COL11A1: variants seen among roughly 807,000 people sequenced by gnomAD.
COL11A1 encodes collagen alpha-1(XI) chain.
COL11A1 carries 74 observed loss-of-function variants against 265.2 expected under a neutral mutation model. That is an observed-to-expected ratio of 0.28 (90% confidence interval 0.23 to 0.34). COL11A1 has a LOEUF of 0.34. Ranked by LOEUF, COL11A1 falls within the 10% of genes least tolerant of loss-of-function variation. COL11A1 has a pLI of 1.00. For synonymous variants in COL11A1, 816 were observed against 727.6 expected, an observed-to-expected ratio of 1.12 and a Z score of -1.96; for missense variants, 2,165 against 2,263.6, an observed-to-expected ratio of 0.96 and a Z score of 0.88.
Position 103,108,197 on chromosome 1 carries a change from C to A in COL11A1, c.-19G>T. ...GCTCCATCTCCGAGCCCCGCACTCA[C>A]AACTGTGAACTCAACCCACGAAATT... On this transcript the variant is annotated 5_prime_UTR_variant, in exon 1 of 67. Coordinates refer to ENST00000370096, the MANE Select transcript of COL11A1 (RefSeq NM_001854.4). The A allele has an allele frequency of 6.2e-7, 1 of 1,605,278 alleles. No individual in the cohort carries two copies. Among genetic ancestry groups the A allele is most frequent in the East Asian group, 2.2e-5 (1 of 44,782 alleles).
In COL11A1 at chr1:103,078,781, T is replaced by G. The variant is rs1315092621; in HGVS notation, c.365A>C (p.His122Pro). Reference sequence around the variant, plus strand: ...CTCAACACCAATTTGCTGAATACCATGCTCATTATATATAGATAAAAGGAA... The same window carrying G: ...CTCAACACCAATTTGCTGAATACCAGGCTCATTATATATAGATAAAAGGAA... ...QSFLLSIYNE[H>P]GIQQIGVEVG... The change falls in exon 3 of 67, where the codon CAT (histidine) becomes CCT (proline). Residue 122 changes from histidine (H) to proline (P), a missense_variant. Coordinates refer to ENST00000370096, the MANE Select transcript of COL11A1 (RefSeq NM_001854.4). 1.9e-5 allele frequency: 30 copies of G among 1,612,356 alleles called. No individual in the cohort carries two copies. The highest frequency in any genetic ancestry group is 2.4e-5 in the Non-Finnish European group (28 of 1,178,788).
rs149842131 is a variant in COL11A1 at position 102,976,289 on chromosome 1, C to CTTTTTTTTT, written c.2755-1415_2755-1407dup. On this transcript the variant is annotated intron_variant, in intron 35 of 66. Transcript: ENST00000370096. Reference sequence around the variant, plus strand: ...TATAAAATTTCACAGAAAACGTTGGCTTTTTTTTTTTTTTTTTTTTTTTTT... The same window carrying CTTTTTTTTT: ...TATAAAATTTCACAGAAAACGTTGGCTTTTTTTTTTTTTTTTTTTTTTTTTTTTTTTTTT... Among the ~76,000 whole-genome samples the CTTTTTTTTT allele has an allele frequency of 2.5e-3, 148 of 58,602 alleles. 42 individuals carry two copies. Among genetic ancestry groups the CTTTTTTTTT allele is most frequent in the East Asian group, 0.016 (25 of 1,552 alleles). The allele number at this position is 58,602 out of a possible 152,430, so 38.4% of individuals were successfully genotyped here. A position where few individuals can be genotyped will look rare whatever the true frequency, so the allele number is the denominator to read the frequency against.
intron 4 of COL11A1, among the ~76,000 whole-genome samples, chr1:103,047,323 A>T (rs1669370873): frequency 6.6e-6 from 1 of 152,140 alleles, no homozygotes; most frequent in Non-Finnish European, 1.5e-5. Flanking sequence ...GGTCCTTCAC[A>T]TCCCTTGTAA....
At chr1:103,095,594 G>T (rs1673689091) in intron 1 of COL11A1, among the ~76,000 whole-genome samples, 1 of 151,960 alleles carries the variant, frequency 6.6e-6, no homozygotes, top group Non-Finnish European at 1.5e-5. Context: ...TGAAAGAAAT[G>T]CAAGGAGACA....
intron 11 of COL11A1, 141 bp downstream of exon 11, chr1:103,017,679 A>G (rs1666673205): frequency 4.1e-6 from 3 of 724,434 alleles, no homozygotes; most frequent in African/African-American, 1.8e-5. Flanking sequence ...GTTAACTAAA[A>G]TGTTGTGCAG....
At position 103,004,516 on chromosome 1, in the gene COL11A1, T is replaced by C. The variant is rs749312412; in HGVS notation, c.1900-28A>G. On this transcript the variant is annotated intron_variant, in intron 19 of 66. Transcript: ENST00000370096. ...GTCATTGACAAAATGAATGAGAGTA[T>C]AGAACATTTGGACAATGTATCATTT... 4.4e-6 allele frequency: 7 copies of C among 1,605,852 alleles called. No homozygotes were observed. The South Asian group carries it at 5.5e-5, about 13-fold the overall frequency.
At chr1:103,077,164 A>G (rs1672038465) in intron 3 of COL11A1, among the ~76,000 whole-genome samples, 1 of 152,094 alleles carries the variant, frequency 6.6e-6, no homozygotes, top group African/African-American at 2.4e-5. Flanking sequence ...GATATATGTA[A>G]ATATAACTTC....
At chr1:103,042,277 A>T (rs1668872766) in intron 4 of COL11A1, among the ~76,000 whole-genome samples, 1 of 152,120 alleles carries the variant, frequency 6.6e-6, no homozygotes. Context: ...AAGATATGAG[A>T]CACATATTTC....
intron 8 of COL11A1, among the ~76,000 whole-genome samples, chr1:103,022,055 C>T (rs1405696894): frequency 2.7e-5 from 4 of 149,970 alleles, no homozygotes; most frequent in Non-Finnish European, 4.4e-5. Flanking sequence ...CGGTTTTCGC[C>T]GTGTTGCCCA....
In COL11A1 at chr1:102,914,819, A is replaced by T. The variant is rs761533402; in HGVS notation, c.3817-8T>A. The T allele has an allele frequency of 2.0e-6, 3 of 1,464,728 alleles. No individual in the cohort carries two copies. In the South Asian group the frequency reaches 3.6e-5, roughly 17 times the overall value. The allele number at this position is 1,464,728 out of a possible 1,614,324, so 90.7% of individuals were successfully genotyped here. On this transcript the variant is annotated splice_polypyrimidine_tract_variant and splice_region_variant and intron_variant, in intron 50 of 66. Coordinates refer to ENST00000370096, the MANE Select transcript of COL11A1 (RefSeq NM_001854.4). ...TCTTTCTCCTTTGGGACCCTAAACAATGTTAAAAAAAAAAAAAGAAGAAGA... is the reference window on the plus strand; with the variant it reads ...TCTTTCTCCTTTGGGACCCTAAACATTGTTAAAAAAAAAAAAAGAAGAAGA...
chr1:102,984,538 A>G (rs557179597), intron 30 of COL11A1, among the ~76,000 whole-genome samples: 2 of 152,168 alleles, frequency 1.3e-5, no homozygotes, highest in Non-Finnish European at 2.9e-5. Flanking sequence ...AACATTAAAT[A>G]CTATTTTAAA....
rs868202897 is a variant in COL11A1 at position 102,933,358 on chromosome 1, G to A, written c.3600+1091C>T. 8.4e-3 allele frequency among the ~76,000 whole-genome samples: 1,212 copies of A among 143,828 alleles called. 16 individuals carry two copies. Among genetic ancestry groups the A allele is most frequent in the Non-Finnish European group, 0.012 (813 of 65,158 alleles). 94.4% of individuals were successfully genotyped at this position (143,828 alleles called of 152,430 possible). On this transcript the variant is annotated intron_variant, in intron 46 of 66. Coordinates refer to ENST00000370096, the MANE Select transcript of COL11A1 (RefSeq NM_001854.4). ...CTGTTGGAATACCCTGCCGTGTGAG[G>A]TGTCAGTGTGCCCCTGCTGGGGGGT... is the stretch of plus-strand genomic sequence containing the variant.
chr1:102,957,062 GTTTA>G (rs1660448092), intron 41 of COL11A1, among the ~76,000 whole-genome samples: 1 of 151,716 alleles, frequency 6.6e-6, no homozygotes. Context: ...GATTTTTTTA[GTTTA>G]TTTGTTTTAC....
In COL11A1 at chr1:103,021,694, C is replaced by T; in HGVS notation, c.1308+13G>A. 1 of 1,587,396 alleles carries T rather than the reference C, an allele frequency of 6.3e-7. No individual in the cohort carries two copies. ...TTTACCAACCTTTAAAGTGTATTCA[C>T]ACTACTACTTACAGGCTCAACCACT... On this transcript the variant is annotated intron_variant, in intron 9 of 66. Transcript: ENST00000370096.
At chr1:102,912,622 C>T (rs141989694) in intron 53 of COL11A1, among the ~76,000 whole-genome samples, 2 of 152,220 alleles carry the variant, frequency 1.3e-5, no homozygotes, top group African/African-American at 4.8e-5. Context: ...ACATTCTATG[C>T]CAAGTTGTAT....
chr1:102,906,920 C>T (rs934280179), intron 54 of COL11A1, among the ~76,000 whole-genome samples: 2 of 151,934 alleles, frequency 1.3e-5, no homozygotes, highest in Admixed American at 6.6e-5. Flanking sequence ...ATATATTTTA[C>T]TCTGGTGAAG....
At chr1:103,020,003 G>T (rs1047986792) in intron 9 of COL11A1, among the ~76,000 whole-genome samples, 19 of 143,040 alleles carry the variant, frequency 1.3e-4, no homozygotes, top group Non-Finnish European at 2.9e-4. Context: ...GGACATTTGG[G>T]TTGGTTCCAA....
At chr1:103,018,947 G>T (rs780445883) in intron 9 of COL11A1, 88 bp from the exon 10 acceptor site, 18 of 1,001,052 alleles carry the variant, frequency 1.8e-5, no homozygotes, top group Non-Finnish European at 2.6e-5. Context: ...CTATATCATT[G>T]CATATTAAAT....
chr1:103,052,746 G>T (rs1456334737), intron 4 of COL11A1, among the ~76,000 whole-genome samples: 2 of 152,060 alleles, frequency 1.3e-5, no homozygotes, highest in African/African-American at 4.8e-5. Flanking sequence ...CCATTTCTGG[G>T]TAAAGCATTC....
Sources: gnomAD v4.1 joint callset for allele counts (sites outside exome capture counted in the v4.1 genomes callset) on GRCh38, gnomAD v4.1.1 for gene constraint, MANE v1.5 for transcripts, NCBI Gene and HGNC (gene_info 2026-07-23, HGNC 2026-07-21) for gene names.